AKAP12: variants seen among roughly 807,000 people sequenced by gnomAD.
The protein encoded by AKAP12 is A-kinase anchoring protein 12.
AKAP12 carries 32 observed loss-of-function variants against 79.9 expected under a neutral mutation model. The ratio of observed to expected loss-of-function variants is 0.40; its 90% confidence interval spans 0.30 to 0.54. The LOEUF is 0.54. Ranked by LOEUF, AKAP12 falls within the 20% of genes least tolerant of loss-of-function variation. AKAP12 has a pLI of 0.48. For synonymous variants in AKAP12, 808 were observed against 857.0 expected (o/e 0.94, Z 1.00); for missense variants, 2,074 against 2,177.0 (o/e 0.95, Z 0.94).
chr6:151,265,087 G>A (rs529592123), intron 2 of AKAP12, among the ~76,000 whole-genome samples: 1 of 151,780 alleles, frequency 6.6e-6, no homozygotes, highest in African/African-American at 2.4e-5. Context: ...GGAGGTGGAG[G>A]TTGCAGTGAG....
Sources: allele counts gnomAD v4.1 joint callset (sites outside exome capture counted in the v4.1 genomes callset), GRCh38; gene constraint gnomAD v4.1.1; transcripts MANE v1.5; gene names NCBI Gene and HGNC (gene_info 2026-07-23, HGNC 2026-07-21).